The following CADM2 variants were observed in gnomAD, a reference collection of about 807,000 sequenced individuals.
The protein encoded by CADM2 is immunoglobulin superfamily member 4D.
Under a neutral mutation model 49.8 loss-of-function variants are expected in CADM2, and 12 were observed. That is an observed-to-expected ratio of 0.24 (90% CI 0.15 to 0.39). CADM2 has a LOEUF of 0.39. Ranked by LOEUF, CADM2 falls within the 10% of genes least tolerant of loss-of-function variation. The pLI, the probability that CADM2 is intolerant of heterozygous loss-of-function variation, is 1.00. For synonymous variants in CADM2, 214 were observed against 175.4 expected (o/e 1.22, Z -1.74); for missense variants, 378 against 492.3 (o/e 0.77, Z 2.20).
At chr3:85,893,519 T>C (rs1338323452) in intron 5 of CADM2, among the ~76,000 whole-genome samples, 1 of 151,986 alleles carries the variant, frequency 6.6e-6, no homozygotes, top group Admixed American at 6.5e-5. Context: ...ACTAAAGAGC[T>C]TCTGCACAGC....
chr3:85,970,164 G>T (rs1257690551), intron 8 of CADM2, among the ~76,000 whole-genome samples: 1 of 149,836 alleles, frequency 6.7e-6, no homozygotes, highest in Non-Finnish European at 1.5e-5. Flanking sequence ...ATAGAATTAA[G>T]TGATTCAAAA....
At chr3:85,903,045 C>T (rs1716328431) in intron 5 of CADM2, among the ~76,000 whole-genome samples, 1 of 151,974 alleles carries the variant, frequency 6.6e-6, no homozygotes, top group South Asian at 2.1e-4. Context: ...CCTGCAAATT[C>T]AAGTTACCAC....
At position 85,300,862 on chromosome 3, in the gene CADM2, C is replaced by T. The variant is rs1457406884; in HGVS notation, c.61+341194C>T. Among the ~76,000 whole-genome samples the T allele has an allele frequency of 2.6e-5, 4 of 151,868 alleles. No individual in the cohort carries two copies. In the East Asian group the frequency reaches 5.8e-4, roughly 22 times the overall value. ...GCTTTTTTTCATATTTGGAATTTTG[C>T]ACCATGAGCTTCATATAAAATGCTA... On this transcript the variant is annotated intron_variant, in intron 1 of 9. Transcript: ENST00000383699.
intron 1 of CADM2, among the ~76,000 whole-genome samples, chr3:85,196,781 A>G (rs2107736266): frequency 6.6e-6 from 1 of 152,108 alleles, no homozygotes; most frequent in Middle Eastern, 3.4e-3. Flanking sequence ...GCAGCTAAAA[A>G]TAACCATCCT....
At chr3:85,889,098 C>A (rs1295272252) in intron 5 of CADM2, among the ~76,000 whole-genome samples, 3 of 152,098 alleles carry the variant, frequency 2.0e-5, no homozygotes, top group Non-Finnish European at 4.4e-5. Context: ...AATGAGAAAC[C>A]AAGAAACTTG....
At chr3:84,982,724 TATATATATATACA>T (rs2032268035) in intron 1 of CADM2, among the ~76,000 whole-genome samples, 1 of 139,466 alleles carries the variant, frequency 7.2e-6, no homozygotes, top group Non-Finnish European at 1.5e-5. Context: ...TATATATATA[TATATATATATACA>T]TTTTTTGTTT....
At chr3:84,972,478 A>G (rs1010700714) in intron 1 of CADM2, among the ~76,000 whole-genome samples, 1 of 152,222 alleles carries the variant, frequency 6.6e-6, no homozygotes, top group Non-Finnish European at 1.5e-5. Context: ...AATGAAGTTT[A>G]TAAATTAATT....
intron 1 of CADM2, among the ~76,000 whole-genome samples, chr3:85,339,366 T>A (rs1372216293): frequency 2.0e-5 from 3 of 151,558 alleles, no homozygotes; most frequent in African/African-American, 7.2e-5. Flanking sequence ...AAAGAACAAG[T>A]GTAATATCAT....
chr3:85,867,153 T>C (rs2075753453), intron 3 of CADM2, among the ~76,000 whole-genome samples: 1 of 152,124 alleles, frequency 6.6e-6, no homozygotes, highest in African/African-American at 2.4e-5. Flanking sequence ...AGTACTTTTA[T>C]GTATGTGTAA....
At chr3:85,129,911 A>G (rs1244286608) in intron 1 of CADM2, among the ~76,000 whole-genome samples, 2 of 152,172 alleles carry the variant, frequency 1.3e-5, no homozygotes, top group Non-Finnish European at 2.9e-5. Flanking sequence ...CTTTACTAGG[A>G]GATTTATGGG....
chr3:85,522,924 A>G (rs1361275685), intron 1 of CADM2, among the ~76,000 whole-genome samples: 1 of 151,748 alleles, frequency 6.6e-6, no homozygotes, highest in African/African-American at 2.4e-5. Flanking sequence ...TGAAAGAAAC[A>G]CAATGTAATT....
intron 1 of CADM2, among the ~76,000 whole-genome samples, chr3:84,977,094 C>A (rs555852234): frequency 6.6e-6 from 1 of 151,762 alleles, no homozygotes; most frequent in Non-Finnish European, 1.5e-5. Context: ...AGAATAAAAG[C>A]AATAGGATAA....
intron 1 of CADM2, among the ~76,000 whole-genome samples, chr3:85,674,309 T>C (rs2065829902): frequency 6.6e-6 from 1 of 152,202 alleles, no homozygotes. Context: ...TTGATGGTCC[T>C]ATATTGTGTT....
At chr3:85,617,137 T>G (rs1017297016) in intron 1 of CADM2, among the ~76,000 whole-genome samples, 1 of 152,038 alleles carries the variant, frequency 6.6e-6, no homozygotes, top group South Asian at 2.1e-4. Flanking sequence ...ACTATCTACC[T>G]GAAGATGATG....
intron 1 of CADM2, among the ~76,000 whole-genome samples, chr3:85,354,430 C>T (rs924838074): frequency 6.6e-6 from 1 of 150,834 alleles, no homozygotes; most frequent in South Asian, 2.1e-4. Context: ...GTGCAGCACA[C>T]CAACATGGCA....
intron 1 of CADM2, among the ~76,000 whole-genome samples, chr3:85,117,807 T>A (rs79592735): frequency 0.049 from 7,434 of 152,274 alleles, 254 homozygotes; most frequent in East Asian, 0.14. Context: ...TTTCACTGGT[T>A]ATTTTCTTCC....
chr3:84,959,747 C>A (rs1373723258), intron 1 of CADM2, 79 bp downstream of exon 1: 3 of 1,323,348 alleles, frequency 2.3e-6, no homozygotes, highest in East Asian at 2.5e-5. Context: ...TATTTCCACT[C>A]TCCCCTCCCA....
intron 1 of CADM2, among the ~76,000 whole-genome samples, chr3:85,251,856 A>T (rs2042781333): frequency 6.6e-6 from 1 of 152,038 alleles, no homozygotes; most frequent in Non-Finnish European, 1.5e-5. Flanking sequence ...ATGGAGAAAG[A>T]CATTGAGAGG....
intron 1 of CADM2, among the ~76,000 whole-genome samples, chr3:85,657,668 G>GTA (rs1417678612): frequency 7.1e-6 from 1 of 140,700 alleles, no homozygotes; most frequent in Admixed American, 7.3e-5. Context: ...ACATATATAT[G>GTA]TATATACACA....
Sources: gnomAD v4.1 joint callset for allele counts (sites outside exome capture counted in the v4.1 genomes callset) on GRCh38, gnomAD v4.1.1 for gene constraint, MANE v1.5 for transcripts, NCBI Gene and HGNC (gene_info 2026-07-23, HGNC 2026-07-21) for gene names.